The following LMBRD1 variants were observed in gnomAD, a reference collection of about 807,000 sequenced individuals.
LMBRD1 encodes lysosomal cobalamin transport escort protein LMBD1.
LMBRD1 carries 64 observed loss-of-function variants against 74.8 expected under a neutral mutation model. The ratio of observed to expected loss-of-function variants is 0.86; its 90% CI spans 0.70 to 1.05. LMBRD1 has a LOEUF of 1.05. LMBRD1 is among the 50% of genes least tolerant of loss of function. The pLI is 0.00. For missense variants in LMBRD1, 652 were observed against 645.9 expected (o/e 1.01, Z -0.10); for synonymous variants, 204 against 216.3 (o/e 0.94, Z 0.50).
chr6:69,684,772 T>C (rs1765729297), intron 14 of LMBRD1, among the ~76,000 whole-genome samples: 1 of 152,080 alleles, frequency 6.6e-6, no homozygotes, highest in African/African-American at 2.4e-5. Context: ...AGAAAAGAAT[T>C]AATCCAAATA....
chr6:69,772,223 A>G (rs1189543175), intron 3 of LMBRD1, among the ~76,000 whole-genome samples: 1 of 152,224 alleles, frequency 6.6e-6, no homozygotes, highest in East Asian at 1.9e-4. Context: ...TTTAGAAGGA[A>G]GCAATGGTAT....
intron 3 of LMBRD1, among the ~76,000 whole-genome samples, chr6:69,769,090 T>A (rs1178444740): frequency 2.6e-5 from 4 of 152,086 alleles, no homozygotes; most frequent in East Asian, 1.9e-4. Flanking sequence ...TTCTTCAAAC[T>A]TTTTTTCCTG....
intron 7 of LMBRD1, among the ~76,000 whole-genome samples, chr6:69,729,238 T>C (rs926445654): frequency 6.8e-6 from 1 of 147,960 alleles, no homozygotes; most frequent in African/African-American, 2.5e-5. Context: ...TCTTATTTCA[T>C]TAACAACTGT....
chr6:69,679,437 T>C (rs911081998), intron 14 of LMBRD1, among the ~76,000 whole-genome samples: 8 of 152,150 alleles, frequency 5.3e-5, no homozygotes, highest in African/African-American at 1.9e-4. Context: ...GATATAGCTA[T>C]TCAATTTGTC....
At chr6:69,755,592 A>G (rs890279888) in intron 3 of LMBRD1, among the ~76,000 whole-genome samples, 2 of 150,662 alleles carry the variant, frequency 1.3e-5, no homozygotes, top group African/African-American at 5.0e-5. Flanking sequence ...AGAACTTAAA[A>G]AAAAAAAAAA....
intron 14 of LMBRD1, among the ~76,000 whole-genome samples, chr6:69,692,899 T>C (rs2149840194): frequency 6.6e-6 from 1 of 152,256 alleles, no homozygotes; most frequent in Admixed American, 6.5e-5. Context: ...ACTTTCTCTT[T>C]CCCAAAATCA....
At chr6:69,753,077 T>C (rs970576358) in intron 3 of LMBRD1, among the ~76,000 whole-genome samples, 1 of 152,194 alleles carries the variant, frequency 6.6e-6, no homozygotes, top group African/African-American at 2.4e-5. Context: ...CATTAACTGA[T>C]AGGAATTACT....
Position 69,698,586 on chromosome 6 carries a change from A to G in LMBRD1, c.1338+457T>C, listed in dbSNP as rs1305262815. 5.3e-5 allele frequency among the ~76,000 whole-genome samples: 8 copies of G among 152,124 alleles called. 1 individual carries two copies. The highest frequency in any genetic ancestry group is 5.2e-4 in the Admixed American group (8 of 15,272). ...GAGAGATCACCACCACCAATAAATC[A>G]GCATATGAGGATACCCATCATGTTA... On this transcript the variant is annotated intron_variant, in intron 13 of 15. Transcript: ENST00000649934.
intron 14 of LMBRD1, among the ~76,000 whole-genome samples, chr6:69,692,476 T>G (rs1765908502): frequency 6.6e-6 from 1 of 152,162 alleles, no homozygotes; most frequent in Admixed American, 6.5e-5. Flanking sequence ...TTTAGGTTAA[T>G]GAATTTTTAT....
In LMBRD1 at chr6:69,737,936, A is replaced by G; in HGVS notation, c.636+6T>C. 6.2e-7 allele frequency: 1 copy of G among 1,601,512 alleles called. No individual in the cohort carries two copies. The highest frequency in any genetic ancestry group is 8.5e-7 in the Non-Finnish European group (1 of 1,170,048). ...ATTTTAACTCAATTATCCCCATTTC[A>G]CTTACTGTGTAAGTTATAGCTGCCA... On this transcript the variant is annotated splice_donor_region_variant and intron_variant, in intron 7 of 15. Transcript: ENST00000649934.
chr6:69,774,517 T>C (rs1765646625), intron 3 of LMBRD1, among the ~76,000 whole-genome samples: 1 of 152,234 alleles, frequency 6.6e-6, no homozygotes, highest in Non-Finnish European at 1.5e-5. Flanking sequence ...TACATGAATT[T>C]CCTTTTACTT....
At chr6:69,793,269 G>A (rs945452115) in intron 1 of LMBRD1, among the ~76,000 whole-genome samples, 2 of 152,210 alleles carry the variant, frequency 1.3e-5, no homozygotes, top group Non-Finnish European at 2.9e-5. Flanking sequence ...CTCCCCAGGT[G>A]GTTCTGATGA....
chr6:69,737,538 T>C (rs948416330), intron 7 of LMBRD1, among the ~76,000 whole-genome samples: 4 of 151,294 alleles, frequency 2.6e-5, no homozygotes, highest in Middle Eastern at 7.1e-3. Flanking sequence ...TGGTTCAGAG[T>C]TCTAATATGC....
intron 1 of LMBRD1, among the ~76,000 whole-genome samples, chr6:69,791,253 CAAG>C (rs1310198401): frequency 6.6e-6 from 1 of 152,170 alleles, no homozygotes. Flanking sequence ...GTTTCAGATT[CAAG>C]AAGTCTGGAG....
chr6:69,725,158 A>G (rs1282615497), intron 7 of LMBRD1, among the ~76,000 whole-genome samples: 2 of 152,110 alleles, frequency 1.3e-5, no homozygotes, highest in South Asian at 4.1e-4. Context: ...AACTTAACCA[A>G]AAAAGTGAAA....
chr6:69,762,229 A>C lies in LMBRD1; in HGVS notation c.308-9873T>G, dbSNP rs148572206. ...TACTATAAAAACTGCTACTATGAAC[A>C]TCTTTGCCTAGATATTGCATTCATT... On this transcript the variant is annotated intron_variant, in intron 3 of 15. Transcript: ENST00000649934. 3.3e-3 allele frequency among the ~76,000 whole-genome samples: 509 copies of C among 152,318 alleles called. 5 individuals carry two copies. The highest frequency in any genetic ancestry group is 0.012 in the African/African-American group (484 of 41,564).
At chr6:69,703,884 T>C (rs1582066415) in intron 9 of LMBRD1, among the ~76,000 whole-genome samples, 2 of 152,256 alleles carry the variant, frequency 1.3e-5, no homozygotes, top group East Asian at 1.9e-4. Flanking sequence ...AATTATTATA[T>C]ATCAATTTCT....
chr6:69,752,116 TTTC>T lies in LMBRD1; in HGVS notation c.405+140_405+142del, dbSNP rs1582124684. 1.5e-5 allele frequency: 11 copies of T among 730,534 alleles called. No individual in the cohort carries two copies. The East Asian group carries it at 2.0e-4, about 14-fold the overall frequency. The allele number at this position is 730,534 out of a possible 1,614,324, so 45.3% of individuals were successfully genotyped here. A position where few individuals can be genotyped will look rare whatever the true frequency, so the allele number is the denominator to read the frequency against. ...TGTATAATTAAATTAATTTCAACTG[TTTC>T]TTTTTATTTTAATTTAGCTAACATT... On this transcript the variant is annotated intron_variant, in intron 4 of 15. Coordinates refer to ENST00000649934, the MANE Select transcript of LMBRD1 (RefSeq NM_018368.4).
chr6:69,700,641 C>T (rs1562089645), intron 12 of LMBRD1, 124 bp downstream of exon 12: 1 of 614,708 alleles, frequency 1.6e-6, no homozygotes, highest in Non-Finnish European at 2.5e-6. Flanking sequence ...AGTGAAAAGG[C>T]TAGTATTTCT....
Sources: gnomAD v4.1 joint callset for allele counts (sites outside exome capture counted in the v4.1 genomes callset) on GRCh38, gnomAD v4.1.1 for gene constraint, MANE v1.5 for transcripts, NCBI Gene and HGNC (gene_info 2026-07-23, HGNC 2026-07-21) for gene names.